Variants in TEX2 observed in about 807,000 individuals in gnomAD.
TEX2 encodes testis-expressed protein 2.
TEX2 carries 53 observed loss-of-function variants against 106.9 expected under a neutral mutation model. That is an observed-to-expected ratio of 0.50 (90% confidence interval 0.40 to 0.62). The LOEUF (loss-of-function observed/expected upper bound fraction) is 0.62. Among genes scored for constraint, TEX2 ranks in the 20% least tolerant of loss-of-function variants. The pLI is 0.00. For synonymous variants in TEX2, 523 were observed against 534.8 expected (o/e 0.98, Z 0.30); for missense variants, 1,207 against 1,379.0 (o/e 0.88, Z 1.98).
At chr17:64,179,432 A>T (rs1449462135) in intron 5 of TEX2, among the ~76,000 whole-genome samples, 1 of 152,208 alleles carries the variant, frequency 6.6e-6, no homozygotes, top group Non-Finnish European at 1.5e-5. Flanking sequence ...AGCAGCGGCA[A>T]CCTGCTTGGG....
rs183664653 is a variant in TEX2 at position 64,152,081 on chromosome 17, C to T, written c.3140+864G>A. On this transcript the variant is annotated intron_variant, in intron 10 of 11. Coordinates refer to ENST00000584379, the MANE Select transcript of TEX2 (RefSeq NM_001288732.2). ...CTTCTGATCATTCCTACAAATCCTT[C>T]TGAATACCGATGGTATGTACTAGCA... is the stretch of plus-strand genomic sequence containing the variant. 1.3e-5 allele frequency among the ~76,000 whole-genome samples: 2 copies of T among 152,276 alleles called. 1 individual carries two copies. Among genetic ancestry groups the T allele is most frequent in the Admixed American group, 1.3e-4 (2 of 15,298 alleles).
intron 1 of TEX2, among the ~76,000 whole-genome samples, chr17:64,262,716 G>C (rs2034314833): frequency 6.6e-6 from 1 of 152,246 alleles, no homozygotes; most frequent in African/African-American, 2.4e-5. Context: ...AACCACCGGG[G>C]CGCATACAAC....
intron 2 of TEX2, among the ~76,000 whole-genome samples, chr17:64,208,423 G>C (rs1222865477): frequency 6.6e-6 from 1 of 151,810 alleles, no homozygotes; most frequent in East Asian, 2.0e-4. Flanking sequence ...AACTTTTATA[G>C]AGATGGTGGT....
rs34840793 is a variant in TEX2, at chr17:64,229,422, G to T, written c.-25-15180C>A. On this transcript the variant is annotated intron_variant, in intron 1 of 11. Transcript: ENST00000584379. ...CTTTTGTTATTCACTTCTTTATCAA[G>T]GATAGTTAATACTTTGTCTATTGTA... Among the ~76,000 whole-genome samples, 12 of 151,972 alleles carry T rather than the reference G, an allele frequency of 7.9e-5. No homozygotes were observed. In the East Asian group the frequency reaches 1.2e-3, roughly 15 times the overall value.
At chr17:64,189,786 A>G (rs2143871874) in intron 4 of TEX2, among the ~76,000 whole-genome samples, 1 of 152,246 alleles carries the variant, frequency 6.6e-6, no homozygotes, top group East Asian at 1.9e-4. Flanking sequence ...GTTCGAGACC[A>G]GCCTGGCCGA....
chr17:64,167,785 C>T (rs1723842530), intron 7 of TEX2, among the ~76,000 whole-genome samples: 1 of 152,052 alleles, frequency 6.6e-6, no homozygotes, highest in Admixed American at 6.6e-5. Context: ...TGCCACTGCA[C>T]TCCAGGCTGG....
chr17:64,210,175 C>T (rs1416085984), intron 2 of TEX2, among the ~76,000 whole-genome samples: 2 of 152,180 alleles, frequency 1.3e-5, no homozygotes, highest in Admixed American at 6.5e-5. Flanking sequence ...AGTCACTGCA[C>T]CACCCTATCA....
intron 7 of TEX2, among the ~76,000 whole-genome samples, chr17:64,169,307 A>G (rs2031288989): frequency 6.6e-6 from 1 of 152,164 alleles, no homozygotes; most frequent in Non-Finnish European, 1.5e-5. Context: ...TAAAAGTGCT[A>G]GGATTACAGG....
intron 1 of TEX2, among the ~76,000 whole-genome samples, chr17:64,223,158 G>T (rs2033407326): frequency 6.6e-6 from 1 of 152,132 alleles, no homozygotes; most frequent in Admixed American, 6.5e-5. Flanking sequence ...CTCTGTGTCA[G>T]TGGAGTCAGA....
intron 1 of TEX2, among the ~76,000 whole-genome samples, chr17:64,257,963 A>G (rs2034215804): frequency 1.3e-5 from 2 of 151,624 alleles, no homozygotes; most frequent in South Asian, 4.2e-4. Context: ...CCAGGCTGGA[A>G]TGCAATGGTG....
Position 64,212,899 on chromosome 17 carries a change from G to A in TEX2, c.1319C>T (p.Ser440Leu). The change falls in exon 2 of 12, where the codon TCA becomes TTA. Residue 440 changes from serine to leucine, a missense_variant. By Grantham distance (145) the Ser-to-Leu change is moderately radical (BLOSUM62 -2). Transcript: ENST00000584379. Reference protein sequence around the residue: ...TEGESKVDKLSDIPLKPEVLA... With the variant: ...TEGESKVDKLLDIPLKPEVLA... ...CACCTCTGGCTTGAGAGGAATATCT[G>A]AGAGCTTATCAACTTTACTCTCCCC... The A allele has an allele frequency of 6.2e-7, 1 of 1,614,160 alleles. No homozygotes were observed. Among genetic ancestry groups the A allele is most frequent in the Non-Finnish European group, 8.5e-7 (1 of 1,180,030 alleles).
At chr17:64,234,666 G>A (rs1160953226) in intron 1 of TEX2, among the ~76,000 whole-genome samples, 1 of 152,188 alleles carries the variant, frequency 6.6e-6, no homozygotes, top group African/African-American at 2.4e-5. Context: ...AGCTTGTTGG[G>A]AGAAAGAATA....
chr17:64,185,184 G>A lies in TEX2; in HGVS notation c.2424+2984C>T, dbSNP rs573374792. Among the ~76,000 whole-genome samples the A allele has an allele frequency of 5.3e-5, 8 of 152,280 alleles. No individual in the cohort carries two copies. The highest frequency in any genetic ancestry group is 9.6e-5 in the African/African-American group (4 of 41,562). On this transcript the variant is annotated intron_variant, in intron 5 of 11. Coordinates refer to ENST00000584379, the MANE Select transcript of TEX2 (RefSeq NM_001288732.2). This position sits in a 1 kb window ranked among gnomAD's most constrained non-coding sequence, Gnocchi z 4.0. ...TAATAAGGACAGGACTCTCCATACC[G>A]GGGTGGCATATGTTAATATTATCTC...
chr17:64,190,736 T>C (rs1371182624), intron 4 of TEX2, among the ~76,000 whole-genome samples: 1 of 152,214 alleles, frequency 6.6e-6, no homozygotes, highest in African/African-American at 2.4e-5. Flanking sequence ...TTTCCTGACC[T>C]GCAGCCTGGG....
chr17:64,193,982 CTTT>C (rs1231844689), intron 3 of TEX2, 93 bp from the exon 4 acceptor site: 3 of 802,986 alleles, frequency 3.7e-6, no homozygotes, highest in Non-Finnish European at 5.2e-6. Flanking sequence ...ACCTTATAGA[CTTT>C]TTGACTAAAA....
At chr17:64,201,156 G>A (rs2032648035) in intron 2 of TEX2, among the ~76,000 whole-genome samples, 1 of 152,072 alleles carries the variant, frequency 6.6e-6, no homozygotes, top group African/African-American at 2.4e-5. Context: ...AGAAGTACTG[G>A]GAATCTGACA....
At chr17:64,204,163 G>A (rs553727155) in intron 2 of TEX2, among the ~76,000 whole-genome samples, 2 of 152,220 alleles carry the variant, frequency 1.3e-5, no homozygotes, top group South Asian at 2.1e-4. Context: ...TTCAGATCAC[G>A]CATTCTATCA....
At chr17:64,202,441 G>A (rs1425285904) in intron 2 of TEX2, among the ~76,000 whole-genome samples, 3 of 152,198 alleles carry the variant, frequency 2.0e-5, no homozygotes, top group Non-Finnish European at 4.4e-5. Context: ...CTTGCAGAAA[G>A]CAATTTCCCG....
intron 7 of TEX2, 55 bp from the exon 8 acceptor site, chr17:64,160,988 T>A: frequency 1.3e-6 from 2 of 1,572,408 alleles, no homozygotes; most frequent in Non-Finnish European, 1.7e-6. Flanking sequence ...AACACATGAC[T>A]ATAAATGACT....
Sources: allele counts gnomAD v4.1 joint callset (sites outside exome capture counted in the v4.1 genomes callset), GRCh38; gene constraint gnomAD v4.1.1; non-coding constraint Gnocchi (gnomAD v3.1); transcripts MANE v1.5; gene names NCBI Gene and HGNC (gene_info 2026-07-23, HGNC 2026-07-21).